Variants in NDST4 observed in about 807,000 individuals in gnomAD.
The protein encoded by NDST4 is N-heparan sulfate sulfotransferase 4.
Under a neutral mutation model 100.8 loss-of-function variants are expected in NDST4, and 63 were observed. The ratio of observed to expected loss-of-function variants is 0.62; its 90% CI spans 0.51 to 0.77. The LOEUF (loss-of-function observed/expected upper bound fraction) is 0.77. Ranked by LOEUF, NDST4 falls within the 30% of genes least tolerant of loss-of-function variation. The pLI is 0.00. For synonymous variants in NDST4, 377 were observed against 361.8 expected, an observed-to-expected ratio of 1.04 and a Z score of -0.48; for missense variants, 943 against 1,018.4, an observed-to-expected ratio of 0.93 and a Z score of 1.01.
chr4:115,010,100 A>C lies in NDST4; in HGVS notation c.979-32826T>G, dbSNP rs1727509531. Among the ~76,000 whole-genome samples the C allele has an allele frequency of 1.6e-5, 2 of 124,306 alleles. 1 individual carries two copies. Among genetic ancestry groups the C allele is most frequent in the Admixed American group, 1.7e-4 (2 of 12,026 alleles). 81.5% of individuals were successfully genotyped at this position (124,306 alleles called of 152,430 possible). ...TACACTGTTGGTGGGACTGTAAACTAGTTCGACCATTGTGGAAGTCAGTGT... is the reference window on the plus strand; with the variant it reads ...TACACTGTTGGTGGGACTGTAAACTCGTTCGACCATTGTGGAAGTCAGTGT... On this transcript the variant is annotated intron_variant, in intron 2 of 13. Coordinates refer to ENST00000264363, the MANE Select transcript of NDST4 (RefSeq NM_022569.3).
intron 6 of NDST4, among the ~76,000 whole-genome samples, chr4:114,902,100 G>A (rs190956295): frequency 6.6e-6 from 1 of 151,874 alleles, no homozygotes; most frequent in Admixed American, 6.6e-5. Context: ...CATTATTTTG[G>A]ACCAACTGTT....
chr4:115,048,496 T>A (rs920344381), intron 2 of NDST4, among the ~76,000 whole-genome samples: 19 of 152,164 alleles, frequency 1.2e-4, no homozygotes, highest in African/African-American at 3.9e-4. Context: ...ATTATTGCAT[T>A]TTGATCAAAA....
At chr4:115,034,352 C>A (rs2126271347) in intron 2 of NDST4, among the ~76,000 whole-genome samples, 1 of 152,114 alleles carries the variant, frequency 6.6e-6, no homozygotes, top group East Asian at 1.9e-4. Flanking sequence ...TATTATTTGA[C>A]CAGTACATTG....
intron 6 of NDST4, among the ~76,000 whole-genome samples, chr4:114,913,453 A>G (rs751519683): frequency 3.3e-5 from 5 of 152,082 alleles, no homozygotes; most frequent in Admixed American, 6.6e-5. Flanking sequence ...GGAAATACCT[A>G]GACTTCAACA....
chr4:115,094,201 T>C (rs1207887543), intron 1 of NDST4, among the ~76,000 whole-genome samples: 1 of 152,128 alleles, frequency 6.6e-6, no homozygotes, highest in Non-Finnish European at 1.5e-5. Context: ...AAAATATTGC[T>C]TTATTAAAAT....
intron 6 of NDST4, among the ~76,000 whole-genome samples, chr4:114,914,905 G>T (rs1197775079): frequency 2.6e-5 from 4 of 151,988 alleles, no homozygotes; most frequent in Non-Finnish European, 5.9e-5. Context: ...AGGTAACTTG[G>T]ACTCAAGACA....
At chr4:115,090,025 G>A (rs1015308642) in intron 1 of NDST4, among the ~76,000 whole-genome samples, 12 of 151,850 alleles carry the variant, frequency 7.9e-5, no homozygotes, top group African/African-American at 2.9e-4. Context: ...AACTTTAAGT[G>A]TAACATGCAG....
intron 7 of NDST4, among the ~76,000 whole-genome samples, chr4:114,866,792 A>G (rs1028224612): frequency 6.6e-6 from 1 of 152,216 alleles, no homozygotes; most frequent in African/African-American, 2.4e-5. Context: ...TTTTGTTCAC[A>G]TAACAAGCAG....
chr4:114,865,151 G>T (rs1724000808), intron 7 of NDST4, among the ~76,000 whole-genome samples: 1 of 150,732 alleles, frequency 6.6e-6, no homozygotes, highest in African/African-American at 2.4e-5. Flanking sequence ...TGCAACCTCT[G>T]CCTCCTGGAG....
intron 7 of NDST4, among the ~76,000 whole-genome samples, chr4:114,858,363 G>A (rs1723844306): frequency 6.6e-6 from 1 of 152,108 alleles, no homozygotes; most frequent in Non-Finnish European, 1.5e-5. Context: ...ATGGCTCATT[G>A]ACATGTTATC....
rs1255863940 is a variant in NDST4, at chr4:115,077,007, A to C, written c.30T>G (p.Ser10Arg). Reference sequence around the variant, plus strand: ...CTAAGAGAACAATCAATGTTCGAAAACTTCTCCGAAGTTTCACAATAAGAT... The same window carrying C: ...CTAAGAGAACAATCAATGTTCGAAACCTTCTCCGAAGTTTCACAATAAGAT... MNLIVKLRR[S>R]FRTLIVLLAT... The change falls in exon 2 of 14, where the codon AGT becomes AGG. Residue 10 changes from serine to arginine, a missense_variant. This residue lies in a region of NDST4 where 417 missense variants were observed against 384.2 expected (regional missense o/e 1.09). Coordinates refer to ENST00000264363, the MANE Select transcript of NDST4 (RefSeq NM_022569.3). The C allele has an allele frequency of 1.9e-6, 3 of 1,603,270 alleles. No homozygotes were observed. In the African/African-American group the frequency reaches 4.0e-5, roughly 22 times the overall value.
rs1280774936 is a variant in NDST4, at chr4:115,061,744, C to T, written c.978+14315G>A. 3.9e-5 allele frequency among the ~76,000 whole-genome samples: 6 copies of T among 151,976 alleles called. No homozygotes were observed. The East Asian group carries it at 1.2e-3, about 29-fold the overall frequency. On this transcript the variant is annotated intron_variant, in intron 2 of 13. Coordinates refer to ENST00000264363, the MANE Select transcript of NDST4 (RefSeq NM_022569.3). ...CCATGGCACATGTATAGCTGTGTAA[C>T]AAACCTGTACATTCTGCACATGTAT...
At chr4:115,092,455 T>A (rs1388188879) in intron 1 of NDST4, among the ~76,000 whole-genome samples, 1 of 129,890 alleles carries the variant, frequency 7.7e-6, no homozygotes, top group African/African-American at 2.6e-5. Flanking sequence ...TAAGTGAAGT[T>A]AAAAAATGAT....
chr4:114,885,600 T>C lies in NDST4; in HGVS notation c.1537-14650A>G, dbSNP rs570801023. ...ATTTGGTATCCTTATAGATTTCTTG[T>C]ATTTTTATGTCAGTTTATTTGACAA... is the stretch of plus-strand genomic sequence containing the variant. On this transcript the variant is annotated intron_variant, in intron 6 of 13. Coordinates refer to ENST00000264363, the MANE Select transcript of NDST4 (RefSeq NM_022569.3). 2.6e-5 allele frequency among the ~76,000 whole-genome samples: 4 copies of C among 152,272 alleles called. No homozygotes were observed. The East Asian group carries it at 7.7e-4, about 29-fold the overall frequency.
intron 2 of NDST4, among the ~76,000 whole-genome samples, chr4:115,050,205 T>C (rs536641870): frequency 3.3e-4 from 51 of 152,260 alleles, no homozygotes; most frequent in African/African-American, 1.2e-3. Context: ...TTAATGGTAA[T>C]AGTTTTGGTC....
chr4:115,040,851 CAT>C lies in NDST4; in HGVS notation c.978+35206_978+35207del, dbSNP rs536401651. Among the ~76,000 whole-genome samples, 83 of 150,592 alleles carry C rather than the reference CAT, an allele frequency of 5.5e-4. No individual in the cohort carries two copies. In the Middle Eastern group the frequency reaches 0.017, roughly 31 times the overall value. On this transcript the variant is annotated intron_variant, in intron 2 of 13. Transcript: ENST00000264363. The stretch of plus-strand genomic sequence containing the variant: ...TCTGCAATAGGTTTATCTATATGTG[CAT>C]ATATATATATATTTAAATGTATTAA...
At chr4:114,859,648 A>G (rs1190326986) in intron 7 of NDST4, among the ~76,000 whole-genome samples, 2 of 152,194 alleles carry the variant, frequency 1.3e-5, no homozygotes, top group East Asian at 3.9e-4. Flanking sequence ...CTGACCGGAA[A>G]TCAAACTCTG....
At position 115,015,154 on chromosome 4, in the gene NDST4, C is replaced by T. The variant is rs145416588; in HGVS notation, c.979-37880G>A. 7.9e-5 allele frequency among the ~76,000 whole-genome samples: 12 copies of T among 152,230 alleles called. No homozygotes were observed. The East Asian group carries it at 2.3e-3, about 29-fold the overall frequency. ...GGCCCAAATGCCCACTGGCGTCACA[C>T]CAATTACACAGTTTTTGTGTGTAAT... is the stretch of plus-strand genomic sequence containing the variant. On this transcript the variant is annotated intron_variant, in intron 2 of 13. Transcript: ENST00000264363.
intron 6 of NDST4, among the ~76,000 whole-genome samples, chr4:114,931,494 GA>G (rs1332280488): frequency 6.6e-6 from 1 of 150,578 alleles, no homozygotes; most frequent in Admixed American, 6.6e-5. Flanking sequence ...GCAGAAAGAA[GA>G]AAAAAATAAG....
Sources: allele counts gnomAD v4.1 joint callset (sites outside exome capture counted in the v4.1 genomes callset), GRCh38; gene constraint gnomAD v4.1.1; regional missense constraint gnomAD v4.1.1; transcripts MANE v1.5; gene names NCBI Gene and HGNC (gene_info 2026-07-23, HGNC 2026-07-21).